The following RABGEF1 variants were observed in gnomAD, a reference collection of about 807,000 sequenced individuals.
RABGEF1 encodes RAB guanine nucleotide exchange factor 1, also known as rab5 GDP/GTP exchange factor.
Under a neutral mutation model 57.3 loss-of-function variants are expected in RABGEF1, and 26 were observed. That is an observed-to-expected ratio of 0.45 (90% CI 0.33 to 0.63). RABGEF1 has a LOEUF of 0.63. RABGEF1 is among the 20% of genes least tolerant of loss of function. RABGEF1 has a pLI of 0.02. For missense variants in RABGEF1, 464 were observed against 607.6 expected, an observed-to-expected ratio of 0.76 and a Z score of 2.48; for synonymous variants, 185 against 210.7, an observed-to-expected ratio of 0.88 and a Z score of 1.06.
At chr7:66,765,257 G>A (rs915497727) in intron 1 of RABGEF1, among the ~76,000 whole-genome samples, 2 of 151,872 alleles carry the variant, frequency 1.3e-5, no homozygotes, top group African/African-American at 2.4e-5. Flanking sequence ...CAGAGCTGGG[G>A]TTGGAGTGCA....
intron 1 of RABGEF1, among the ~76,000 whole-genome samples, chr7:66,707,175 A>G (rs1426193613): frequency 6.6e-6 from 1 of 152,160 alleles, no homozygotes; most frequent in African/African-American, 2.4e-5. Context: ...ATTTCATTCC[A>G]TTGTGGTCAG....
At chr7:66,699,004 C>T (rs1374205294) in intron 1 of RABGEF1, among the ~76,000 whole-genome samples, 2 of 152,210 alleles carry the variant, frequency 1.3e-5, no homozygotes, top group African/African-American at 4.8e-5. Context: ...GTCCTTCAGT[C>T]CCACATGCAG....
At chr7:66,705,481 GAGAGA>G in intron 1 of RABGEF1, among the ~76,000 whole-genome samples, 1 of 147,044 alleles carries the variant, frequency 6.8e-6, no homozygotes, top group Admixed American at 6.8e-5. Context: ...GAGAGAGAGA[GAGAGA>G]GGAGGGGGGA....
At chr7:66,677,654 C>T (rs1167871126), upstream of RABGEF1, among the ~76,000 whole-genome samples, 15 of 148,856 alleles carry the variant, frequency 1.0e-4, no homozygotes, top group Non-Finnish European at 1.8e-4. Context: ...CCCAGCTACT[C>T]GGGAGGCTGA....
At chr7:66,678,597 C>T (rs935636341), upstream of RABGEF1, among the ~76,000 whole-genome samples, 3 of 150,718 alleles carry the variant, frequency 2.0e-5, no homozygotes, top group Non-Finnish European at 4.4e-5. Flanking sequence ...AAAGGTAATC[C>T]AGTGGACCCA....
At position 66,810,307 on chromosome 7, in the gene RABGEF1, G is replaced by A. The variant is rs1789280728; in HGVS notation, c.*1023G>A. The A allele has an allele frequency of 6.6e-6, 1 of 152,216 alleles. No homozygotes were observed. The highest frequency in any genetic ancestry group is 1.5e-5 in the Non-Finnish European group (1 of 68,050). 9.4% of individuals were successfully genotyped at this position (152,216 alleles called of 1,614,324 possible). A position where few individuals can be genotyped will look rare whatever the true frequency, so the allele number is the denominator to read the frequency against. ...CATATTAGTGGCCTGAGAGGTGTTT[G>A]TTGTGGGGCCACCCTGTGCATGGTA... On this transcript the variant is annotated 3_prime_UTR_variant, in exon 9 of 9. Coordinates refer to ENST00000284957, the MANE Select transcript of RABGEF1 (RefSeq NM_014504.3).
chr7:66,759,735 A>G (rs758949439), intron 1 of RABGEF1, among the ~76,000 whole-genome samples: 4 of 152,160 alleles, frequency 2.6e-5, no homozygotes, highest in Non-Finnish European at 2.9e-5. Flanking sequence ...TCTCACAAGC[A>G]CAGAACCACA....
At chr7:66,753,700 C>CTTTTTTTTTTTTT (rs1562788670) in intron 1 of RABGEF1, among the ~76,000 whole-genome samples, 15 of 78,536 alleles carry the variant, frequency 1.9e-4, no homozygotes, top group Admixed American at 2.8e-4. Context: ...ATTTTGCCAT[C>CTTTTTTTTTTTTT]GTTTTTTTTT....
chr7:66,735,086 CTTAT>C (rs556187500), intron 2 of RABGEF1, among the ~76,000 whole-genome samples: 43 of 152,254 alleles, frequency 2.8e-4, no homozygotes, highest in Non-Finnish European at 5.1e-4. Context: ...AATTGTATTA[CTTAT>C]TTATGTAAGT....
intron 1 of RABGEF1, among the ~76,000 whole-genome samples, chr7:66,695,470 T>C (rs148932358): frequency 2.2e-4 from 34 of 152,284 alleles, no homozygotes; most frequent in African/African-American, 7.9e-4. Context: ...CCACAGTGGC[T>C]TGGCCCACAT....
the RABGEF1 span, among the ~76,000 whole-genome samples, chr7:66,667,884 A>T: frequency 9.1e-4 from 138 of 151,654 alleles, 3 homozygotes; most frequent in Middle Eastern, 0.014. Flanking sequence ...TGCAACCTCT[A>T]CCTCCCGGGT....
chr7:66,687,491 AAAAAAAAAGAAAG>A (rs1433349273), intron 1 of RABGEF1, among the ~76,000 whole-genome samples: 2 of 151,430 alleles, frequency 1.3e-5, no homozygotes, highest in Non-Finnish European at 2.9e-5. Flanking sequence ...GCCAAAAAAA[AAAAAAAAAGAAAG>A]AAAAAAGAAA....
intron 2 of RABGEF1, among the ~76,000 whole-genome samples, chr7:66,717,649 C>T (rs1254422591): frequency 2.0e-5 from 3 of 152,100 alleles, no homozygotes; most frequent in Non-Finnish European, 4.4e-5. Context: ...GCCTTGACCT[C>T]CCCAGGCTCA....
intron 1 of RABGEF1, among the ~76,000 whole-genome samples, chr7:66,690,881 G>A (rs1791418323): frequency 1.3e-5 from 2 of 151,462 alleles, no homozygotes; most frequent in Admixed American, 1.3e-4. Flanking sequence ...ATCAGGGGTT[G>A]GAGACCAGCC....
intron 1 of RABGEF1, chr7:66,770,240 T>C (rs1297328831): frequency 6.6e-6 from 1 of 152,208 alleles, no homozygotes; most frequent in Admixed American, 6.5e-5. Context: ...CCCCAAGATA[T>C]AGGGCTTAAT....
intron 8 of RABGEF1, among the ~76,000 whole-genome samples, chr7:66,808,504 G>A (rs62464659): frequency 0.038 from 5,796 of 152,212 alleles, 163 homozygotes; most frequent in East Asian, 0.085. Context: ...TTGAGGCACC[G>A]GGCCCGGTCT....
intron 2 of RABGEF1, among the ~76,000 whole-genome samples, chr7:66,773,100 C>A (rs1184394930): frequency 6.8e-6 from 1 of 146,390 alleles, no homozygotes; most frequent in Non-Finnish European, 1.5e-5. Flanking sequence ...TTTTTTCATC[C>A]AGTCAGCCAA....
chr7:66,753,885 TTAG>T (rs1802065801), intron 1 of RABGEF1, among the ~76,000 whole-genome samples: 1 of 151,422 alleles, frequency 6.6e-6, no homozygotes, highest in African/African-American at 2.4e-5. Context: ...TTTTGTATTT[TTAG>T]TAGAGATGGG....
At chr7:66,754,896 G>A (rs1222078262) in intron 1 of RABGEF1, among the ~76,000 whole-genome samples, 5 of 152,004 alleles carry the variant, frequency 3.3e-5, no homozygotes, top group African/African-American at 1.2e-4. Context: ...GTTCTGAGCT[G>A]AGTGCATTGT....
Sources: gnomAD v4.1 joint callset for allele counts (sites outside exome capture counted in the v4.1 genomes callset) on GRCh38, gnomAD v4.1.1 for gene constraint, MANE v1.5 for transcripts, NCBI Gene and HGNC (gene_info 2026-07-23, HGNC 2026-07-21) for gene names.